The following ORC4 variants were observed in gnomAD, a reference collection of about 807,000 sequenced individuals.
ORC4 encodes the protein origin recognition complex, subunit 4 homolog.
Under a neutral mutation model 63.9 loss-of-function variants are expected in ORC4, and 55 were observed. That is an observed-to-expected ratio of 0.86 (90% CI 0.69 to 1.08). ORC4 has a LOEUF of 1.08. Ranked by LOEUF, ORC4 falls within the 50% of genes least tolerant of loss-of-function variation. The pLI, the probability that ORC4 is intolerant of heterozygous loss-of-function variation, is 0.00. For synonymous variants in ORC4, 150 were observed against 168.5 expected, an observed-to-expected ratio of 0.89 and a Z score of 0.85; for missense variants, 511 against 504.4, an observed-to-expected ratio of 1.01 and a Z score of -0.13.
intron 4 of ORC4, among the ~76,000 whole-genome samples, chr2:147,966,570 GAAGAACTATACATC>G (rs1419494616): frequency 6.6e-6 from 1 of 152,130 alleles, no homozygotes; most frequent in Non-Finnish European, 1.5e-5. Context: ...GGACTACTAT[GAAGAACTATACATC>G]AATAAATTAC....
In ORC4 at chr2:147,935,299, T is replaced by G; in HGVS notation, c.*211A>C. ...GTCATATTTTATTCTTCTGAACAGCTACTTACAAAGTAATCTCAATCAGTG... is the reference window on the plus strand; with the variant it reads ...GTCATATTTTATTCTTCTGAACAGCGACTTACAAAGTAATCTCAATCAGTG... On this transcript the variant is annotated 3_prime_UTR_variant, in exon 14 of 14. Coordinates refer to ENST00000392857, the MANE Select transcript of ORC4 (RefSeq NM_181741.4). 1.7e-6 allele frequency: 1 copy of G among 577,290 alleles called. No homozygotes were observed. The highest frequency in any genetic ancestry group is 2.0e-5 in the South Asian group (1 of 50,302). The allele number at this position is 577,290 out of a possible 1,614,324, so 35.8% of individuals were successfully genotyped here. A position where few individuals can be genotyped will look rare whatever the true frequency, so the allele number is the denominator to read the frequency against.
intron 2 of ORC4, among the ~76,000 whole-genome samples, chr2:147,974,807 T>TA (rs35378474): frequency 0.02 from 2,438 of 119,826 alleles, 28 homozygotes; most frequent in African/African-American, 0.032. Flanking sequence ...ATCTTTTCCT[T>TA]AAAAAAAAAA....
At chr2:147,961,457 GAA>G (rs1689586812) in intron 4 of ORC4, among the ~76,000 whole-genome samples, 1 of 149,502 alleles carries the variant, frequency 6.7e-6, no homozygotes, top group African/African-American at 2.4e-5. Context: ...AAAAAGAAAA[GAA>G]AAAGAAAAAA....
chr2:148,011,777 C>T (rs536941240), intron 1 of ORC4, among the ~76,000 whole-genome samples: 4 of 152,250 alleles, frequency 2.6e-5, no homozygotes, highest in African/African-American at 9.6e-5. Flanking sequence ...AATACAAAAT[C>T]AACACACAAA....
intron 9 of ORC4, among the ~76,000 whole-genome samples, chr2:147,945,119 T>C (rs1431307585): frequency 6.6e-6 from 1 of 152,114 alleles, no homozygotes; most frequent in Non-Finnish European, 1.5e-5. Flanking sequence ...CTGTAAGTTG[T>C]AAAAGTTGAT....
intron 1 of ORC4, among the ~76,000 whole-genome samples, chr2:147,998,086 C>T (rs1242094581): frequency 1.3e-5 from 2 of 152,052 alleles, no homozygotes; most frequent in African/African-American, 4.8e-5. Flanking sequence ...TTGACTGAGA[C>T]ATAAACAAAC....
rs1421036689 is a variant in ORC4, at chr2:147,933,610, T to G, written c.*1900A>C. 2.0e-5 allele frequency: 3 copies of G among 152,146 alleles called. No individual in the cohort carries two copies. Among genetic ancestry groups the G allele is most frequent in the Non-Finnish European group, 2.9e-5 (2 of 68,022 alleles). The allele number at this position is 152,146 out of a possible 1,614,324, so 9.4% of individuals were successfully genotyped here. On this transcript the variant is annotated 3_prime_UTR_variant, in exon 14 of 14. Coordinates refer to ENST00000392857, the MANE Select transcript of ORC4 (RefSeq NM_181741.4). ...GGGCTGTCAGCTTTTAAGTGACATCTTAAGCTAATAAGAAATTGGAATCCT... is the reference window on the plus strand; with the variant it reads ...GGGCTGTCAGCTTTTAAGTGACATCGTAAGCTAATAAGAAATTGGAATCCT...
chr2:147,973,451 T>C lies in ORC4; in HGVS notation c.131A>G (p.Tyr44Cys). The part of the protein sequence containing the change: ...HSNLFGVQVQ[Y>C]KHLSELLKRT... ...TCAAGAGGACAGCTAGACTTACTTG[T>C]ATTGTACTTGCACTCCAAATAGGTT... Residue 44 changes from tyrosine to cysteine, a missense_variant, in exon 3 of 14, where the codon TAC becomes TGC. Physicochemically the swap from Tyr to Cys is radical, Grantham distance 194. Coordinates refer to ENST00000392857, the MANE Select transcript of ORC4 (RefSeq NM_181741.4). 1 of 1,592,620 alleles carries C rather than the reference T, an allele frequency of 6.3e-7. No individual in the cohort carries two copies. The highest frequency in any genetic ancestry group is 1.1e-5 in the South Asian group (1 of 90,570).
rs927847367 is a variant in ORC4, at chr2:148,001,635, GT to G, written c.-18+18997del. 2.6e-5 allele frequency among the ~76,000 whole-genome samples: 4 copies of G among 152,130 alleles called. 1 individual carries two copies. The highest frequency in any genetic ancestry group is 4.4e-5 in the Non-Finnish European group (3 of 68,014). On this transcript the variant is annotated intron_variant, in intron 1 of 13. Transcript: ENST00000392857. Reference sequence around the variant, plus strand: ...CACTAAATATGTAAAGGAAAAACTGGTAACAGCCACTGGAAAAACATACCAA... The same window carrying G: ...CACTAAATATGTAAAGGAAAAACTGGAACAGCCACTGGAAAAACATACCAA...
At chr2:147,974,944 GT>G in intron 2 of ORC4, among the ~76,000 whole-genome samples, 1 of 152,100 alleles carries the variant, frequency 6.6e-6, no homozygotes, top group East Asian at 1.9e-4. Flanking sequence ...TGGCATAGAA[GT>G]TAAATAGGTA....
intron 13 of ORC4, chr2:147,936,581 C>T (rs1688062799): frequency 6.6e-6 from 1 of 152,164 alleles, no homozygotes; most frequent in Non-Finnish European, 1.5e-5. Flanking sequence ...AGAAACAGCT[C>T]AGATACCTTC....
Position 147,971,275 on chromosome 2 carries a change from GTTA to G in ORC4, c.225+1461_225+1463del, listed in dbSNP as rs975381750. 7.4e-4 allele frequency among the ~76,000 whole-genome samples: 112 copies of G among 150,784 alleles called. No homozygotes were observed. In the Middle Eastern group the frequency reaches 0.014, roughly 18 times the overall value. On this transcript the variant is annotated intron_variant, in intron 4 of 13. Coordinates refer to ENST00000392857, the MANE Select transcript of ORC4 (RefSeq NM_181741.4). The stretch of plus-strand genomic sequence containing the variant: ...AATCTTCTGCTCTGCCAAAGACAAT[GTTA>G]TTATTAATAGTATGAAAAGAATAAT...
At chr2:147,977,123 TATA>T (rs1690604067) in intron 1 of ORC4, among the ~76,000 whole-genome samples, 1 of 152,206 alleles carries the variant, frequency 6.6e-6, no homozygotes, top group Non-Finnish European at 1.5e-5. Context: ...TAACTACTAT[TATA>T]ATCCTCTTTT....
intron 4 of ORC4, among the ~76,000 whole-genome samples, chr2:147,969,845 T>C (rs1184137940): frequency 2.0e-5 from 3 of 151,986 alleles, no homozygotes; most frequent in Non-Finnish European, 4.4e-5. Flanking sequence ...CTGTTAGACA[T>C]AGTCTATGAA....
At chr2:147,958,492 T>TA in intron 5 of ORC4, 109 bp from the exon 6 acceptor site, 4 of 759,774 alleles carry the variant, frequency 5.3e-6, no homozygotes, top group South Asian at 4.7e-5. Context: ...TGTGAGTTCA[T>TA]ATCACTTTCT....
chr2:147,988,665 T>C (rs758361437), intron 1 of ORC4, among the ~76,000 whole-genome samples: 7 of 152,100 alleles, frequency 4.6e-5, no homozygotes, highest in Non-Finnish European at 8.8e-5. Context: ...ACTTGCTGAA[T>C]TTAAAGATGT....
intron 1 of ORC4, among the ~76,000 whole-genome samples, chr2:148,016,959 T>C (rs950855740): frequency 1.3e-5 from 2 of 152,154 alleles, no homozygotes; most frequent in East Asian, 3.8e-4. Flanking sequence ...TTCTTCAAGA[T>C]TGAAGGCAAA....
intron 1 of ORC4, among the ~76,000 whole-genome samples, chr2:147,983,241 T>A (rs1002528909): frequency 6.6e-6 from 1 of 152,246 alleles, no homozygotes; most frequent in African/African-American, 2.4e-5. Flanking sequence ...GAAAAACTTA[T>A]GTTCACACAA....
At position 147,935,533 on chromosome 2, in the gene ORC4, T is replaced by C. The variant is rs1423070089; in HGVS notation, c.1288A>G (p.Thr430Ala). The change falls in exon 14 of 14, where the codon ACA becomes GCA. Residue 430 changes from threonine (T) to alanine (A), a missense_variant. By Grantham distance (58) the Thr-to-Ala change is moderately conservative. Transcript: ENST00000392857. The stretch of plus-strand genomic sequence containing the variant: ...ATTCATAACCAGCTTAGTGAGGATG[T>C]TGCCCACTGCCTCACATCTGTAGGA... The part of the protein sequence containing the change: ...NCPTDVRQWA[T>A]SSLSWL The C allele has an allele frequency of 1.2e-5, 20 of 1,613,598 alleles. No individual in the cohort carries two copies. The highest frequency in any genetic ancestry group is 2.7e-5 in the African/African-American group (2 of 74,912).
Sources: allele counts gnomAD v4.1 joint callset (sites outside exome capture counted in the v4.1 genomes callset), GRCh38; gene constraint gnomAD v4.1.1; transcripts MANE v1.5; gene names NCBI Gene and HGNC (gene_info 2026-07-23, HGNC 2026-07-21).